Variants in ANKS1B observed in about 807,000 individuals in gnomAD.
ANKS1B encodes the protein ankyrin repeat and sterile alpha motif domain-containing protein 1B.
Under a neutral mutation model 148.3 loss-of-function variants are expected in ANKS1B, and 36 were observed. That is an observed-to-expected ratio of 0.24 (90% CI 0.19 to 0.32). The LOEUF (loss-of-function observed/expected upper bound fraction) is 0.32. Among genes scored for constraint, ANKS1B ranks in the 10% least tolerant of loss-of-function variants. The pLI, the probability that ANKS1B is intolerant of heterozygous loss-of-function variation, is 1.00. For synonymous variants in ANKS1B, 542 were observed against 560.8 expected, an observed-to-expected ratio of 0.97 and a Z score of 0.47; for missense variants, 1,157 against 1,542.6, an observed-to-expected ratio of 0.75 and a Z score of 4.19.
chr12:99,645,302 G>A (rs2098350487), intron 9 of ANKS1B, among the ~76,000 whole-genome samples: 1 of 152,168 alleles, frequency 6.6e-6, no homozygotes, highest in Non-Finnish European at 1.5e-5. Flanking sequence ...ACGAAATTTA[G>A]CAAGAGAATA....
intron 19 of ANKS1B, among the ~76,000 whole-genome samples, chr12:98,815,571 T>A (rs1010613271): frequency 2.0e-5 from 3 of 152,210 alleles, no homozygotes; most frequent in Non-Finnish European, 4.4e-5. Flanking sequence ...CTTCTCCTTT[T>A]GCATTTATTA....
At chr12:99,709,643 C>T (rs1049858948) in intron 8 of ANKS1B, among the ~76,000 whole-genome samples, 1 of 151,946 alleles carries the variant, frequency 6.6e-6, no homozygotes, top group Non-Finnish European at 1.5e-5. Context: ...GGGGTTTTAG[C>T]ATGTTAGAGC....
At chr12:99,045,852 G>C (rs1156671895) in intron 17 of ANKS1B, among the ~76,000 whole-genome samples, 6 of 152,134 alleles carry the variant, frequency 3.9e-5, no homozygotes, top group African/African-American at 1.2e-4. Context: ...GAATTCAGAA[G>C]GAGTCTGCAA....
intron 12 of ANKS1B, among the ~76,000 whole-genome samples, chr12:99,329,019 G>A (rs555232933): frequency 1.1e-4 from 16 of 151,842 alleles, no homozygotes; most frequent in African/African-American, 3.6e-4. Context: ...TGAAAACATG[G>A]CAACTGAAAA....
chr12:99,774,130 G>A (rs552818428), intron 7 of ANKS1B, among the ~76,000 whole-genome samples: 5 of 151,926 alleles, frequency 3.3e-5, no homozygotes, highest in South Asian at 2.1e-4. Flanking sequence ...AAATGAACAC[G>A]CAGGATTGGA....
intron 9 of ANKS1B, among the ~76,000 whole-genome samples, chr12:99,610,705 T>C (rs1285551730): frequency 6.6e-6 from 1 of 152,062 alleles, no homozygotes; most frequent in Non-Finnish European, 1.5e-5. Context: ...GAAATAATTT[T>C]CTGAGCCCCA....
At chr12:99,429,880 C>T (rs912159614) in intron 11 of ANKS1B, among the ~76,000 whole-genome samples, 8 of 152,008 alleles carry the variant, frequency 5.3e-5, no homozygotes, top group African/African-American at 1.4e-4. Flanking sequence ...AGGAGAATGA[C>T]GTGAACCCGG....
chr12:99,196,476 A>G (rs2081387513), intron 14 of ANKS1B, among the ~76,000 whole-genome samples: 1 of 152,144 alleles, frequency 6.6e-6, no homozygotes, highest in South Asian at 2.1e-4. Flanking sequence ...ACTACAAGCC[A>G]TTCTGTCAAT....
chr12:99,962,325 T>C (rs61941599), intron 1 of ANKS1B, among the ~76,000 whole-genome samples: 32,909 of 152,032 alleles, frequency 0.22, 3,837 homozygotes, highest in African/African-American at 0.25. Flanking sequence ...CGTGTTAGTT[T>C]GCTGAGGATG....
intron 12 of ANKS1B, among the ~76,000 whole-genome samples, chr12:99,283,265 T>C (rs1419060210): frequency 2.0e-5 from 3 of 152,160 alleles, no homozygotes; most frequent in Non-Finnish European, 4.4e-5. Flanking sequence ...AAATTCTGGG[T>C]AGATGCCAGA....
rs117331891 is a variant in ANKS1B at position 99,209,218 on chromosome 12, C to T, written c.2419+35124G>A. 9.4e-4 allele frequency among the ~76,000 whole-genome samples: 143 copies of T among 152,202 alleles called. 1 individual carries two copies. The East Asian group carries it at 0.021, about 23-fold the overall frequency. On this transcript the variant is annotated intron_variant, in intron 14 of 26. Transcript: ENST00000683438. ...TTAAAGGTTCCAGCAAAACAAAACT[C>T]GGAAAGAGCCCAAGTGGTCACTACT...
At chr12:99,662,775 A>G (rs1478484913) in intron 8 of ANKS1B, among the ~76,000 whole-genome samples, 2 of 152,152 alleles carry the variant, frequency 1.3e-5, no homozygotes, top group African/African-American at 4.8e-5. Flanking sequence ...TTTAAATTGC[A>G]CAGCTTAACT....
At chr12:99,721,191 C>T (rs1253905046) in intron 8 of ANKS1B, among the ~76,000 whole-genome samples, 6 of 152,164 alleles carry the variant, frequency 3.9e-5, no homozygotes, top group East Asian at 1.9e-4. Flanking sequence ...TAGGTTCCCA[C>T]GCCGCCCCTA....
At chr12:99,584,944 G>C (rs1194825466) in intron 9 of ANKS1B, among the ~76,000 whole-genome samples, 2 of 151,986 alleles carry the variant, frequency 1.3e-5, no homozygotes, top group Non-Finnish European at 1.5e-5. Flanking sequence ...TTTGGGTGAG[G>C]ACTCAGCCAA....
chr12:98,986,826 A>T (rs2099923712), intron 17 of ANKS1B, among the ~76,000 whole-genome samples: 1 of 151,936 alleles, frequency 6.6e-6, no homozygotes, highest in Non-Finnish European at 1.5e-5. Flanking sequence ...GTTATGTTGC[A>T]CAGACTGTTC....
intron 14 of ANKS1B, among the ~76,000 whole-genome samples, chr12:99,203,112 A>T (rs1215762047): frequency 4.6e-5 from 7 of 152,250 alleles, no homozygotes; most frequent in Admixed American, 4.6e-4. Context: ...GGCATGGTTC[A>T]GTGGAGGTCT....
intron 10 of ANKS1B, among the ~76,000 whole-genome samples, chr12:99,474,084 G>A (rs7487319): frequency 0.18 from 26,742 of 151,938 alleles, 2,409 homozygotes; most frequent in Middle Eastern, 0.23. Flanking sequence ...TATGATCTAC[G>A]TTTTAATGCA....
chr12:99,349,328 A>G (rs1297651226), intron 12 of ANKS1B, among the ~76,000 whole-genome samples: 4 of 152,010 alleles, frequency 2.6e-5, no homozygotes, highest in African/African-American at 9.6e-5. Flanking sequence ...GCAAAATGGC[A>G]TAAGTAAGTT....
At chr12:99,650,367 G>C (rs576073709) in intron 9 of ANKS1B, among the ~76,000 whole-genome samples, 1 of 90,516 alleles carries the variant, frequency 1.1e-5, no homozygotes, top group East Asian at 2.0e-4. Context: ...AGTTTCAGTA[G>C]ATTGTTTCTT....
Sources: allele counts gnomAD v4.1 joint callset (sites outside exome capture counted in the v4.1 genomes callset), GRCh38; gene constraint gnomAD v4.1.1; transcripts MANE v1.5; gene names NCBI Gene and HGNC (gene_info 2026-07-23, HGNC 2026-07-21).